Variants in SLC4A4 observed in about 807,000 individuals in gnomAD.
The protein encoded by SLC4A4 is solute carrier family 4 member 4.
Under a neutral mutation model 111.5 loss-of-function variants are expected in SLC4A4, and 27 were observed. The ratio of observed to expected loss-of-function variants is 0.24; its 90% confidence interval spans 0.18 to 0.33. The LOEUF is 0.33. Among genes scored for constraint, SLC4A4 ranks in the 10% least tolerant of loss-of-function variants. The pLI is 1.00. For missense variants in SLC4A4, 909 were observed against 1,315.5 expected, an observed-to-expected ratio of 0.69 and a Z score of 4.78; for synonymous variants, 443 against 463.4, an observed-to-expected ratio of 0.96 and a Z score of 0.57.
intron 1 of SLC4A4, among the ~76,000 whole-genome samples, chr4:71,218,338 A>G (rs912675887): frequency 6.6e-6 from 1 of 152,216 alleles, no homozygotes; most frequent in African/African-American, 2.4e-5. Context: ...GTGATTATCT[A>G]TTAGAGGTAA....
chr4:71,309,913 T>C (rs954710898), intron 3 of SLC4A4, among the ~76,000 whole-genome samples: 1 of 151,830 alleles, frequency 6.6e-6, no homozygotes, highest in Non-Finnish European at 1.5e-5. Flanking sequence ...TCTAACCCAA[T>C]GCAAGGACTC....
chr4:71,222,553 A>G (rs995113705), intron 1 of SLC4A4, among the ~76,000 whole-genome samples: 4 of 152,228 alleles, frequency 2.6e-5, no homozygotes, highest in African/African-American at 4.8e-5. Flanking sequence ...ATGCCTAGTC[A>G]TAGCAGACAC....
At chr4:71,139,048 AAAAAAAAAAAAG>A (rs1432298571) in intron 2 of SLC4A4, among the ~76,000 whole-genome samples, 1 of 151,576 alleles carries the variant, frequency 6.6e-6, no homozygotes, top group Non-Finnish European at 1.5e-5. Flanking sequence ...AAAAAAAAAA[AAAAAAAAAAAAG>A]AATCAGTGAG....
At chr4:71,410,765 G>A (rs1299664236) in intron 7 of SLC4A4, among the ~76,000 whole-genome samples, 1 of 151,866 alleles carries the variant, frequency 6.6e-6, no homozygotes, top group Admixed American at 6.6e-5. Flanking sequence ...TTTTTGTTTT[G>A]GAATAAATCT....
At chr4:71,352,294 A>G (rs996362942) in intron 5 of SLC4A4, among the ~76,000 whole-genome samples, 2 of 152,206 alleles carry the variant, frequency 1.3e-5, no homozygotes, top group Admixed American at 1.3e-4. Flanking sequence ...ACTGGAGAAG[A>G]AAATCATGAC....
At chr4:71,144,914 C>A (rs1478245617) in intron 2 of SLC4A4, among the ~76,000 whole-genome samples, 1 of 152,122 alleles carries the variant, frequency 6.6e-6, no homozygotes, top group Non-Finnish European at 1.5e-5. Flanking sequence ...TTGACTTCCT[C>A]TTTTCCTAAT....
chr4:71,359,145 G>T (rs1730539544), intron 6 of SLC4A4, among the ~76,000 whole-genome samples: 1 of 152,182 alleles, frequency 6.6e-6, no homozygotes, highest in South Asian at 2.1e-4. Flanking sequence ...AAAGTATTTG[G>T]ATATGGAATA....
At chr4:71,288,140 T>C (rs1053346447) in intron 3 of SLC4A4, among the ~76,000 whole-genome samples, 2 of 152,178 alleles carry the variant, frequency 1.3e-5, no homozygotes, top group African/African-American at 4.8e-5. Flanking sequence ...TTGTTTCTGG[T>C]AGTCTAGGGG....
At chr4:71,167,582 G>C (rs994200624) in intron 2 of SLC4A4, among the ~76,000 whole-genome samples, 2 of 152,154 alleles carry the variant, frequency 1.3e-5, no homozygotes, top group African/African-American at 4.8e-5. Flanking sequence ...ACAATCAGGA[G>C]AATGTAAGTG....
chr4:71,374,905 T>G (rs1047287238), intron 6 of SLC4A4, among the ~76,000 whole-genome samples: 3 of 152,226 alleles, frequency 2.0e-5, no homozygotes, highest in Non-Finnish European at 4.4e-5. Flanking sequence ...CAAAGCTGTC[T>G]GTTTTCCAAA....
At chr4:71,501,153 G>A (rs1409540306) in intron 16 of SLC4A4, among the ~76,000 whole-genome samples, 1 of 151,834 alleles carries the variant, frequency 6.6e-6, no homozygotes, top group Non-Finnish European at 1.5e-5. Flanking sequence ...TATAATTTTT[G>A]AAGTATAGCA....
chr4:71,398,685 A>G (rs1720072534), intron 7 of SLC4A4, among the ~76,000 whole-genome samples: 1 of 152,220 alleles, frequency 6.6e-6, no homozygotes, highest in Non-Finnish European at 1.5e-5. Context: ...GGAAAGAAGA[A>G]GGAACATGAA....
At chr4:71,209,533 T>A (rs1278882925) in intron 1 of SLC4A4, among the ~76,000 whole-genome samples, 1 of 152,194 alleles carries the variant, frequency 6.6e-6, no homozygotes, top group Non-Finnish European at 1.5e-5. Flanking sequence ...AAAATATGAG[T>A]ACCAGTAGCT....
intron 14 of SLC4A4, among the ~76,000 whole-genome samples, chr4:71,479,416 A>T (rs1029895746): frequency 2.6e-5 from 4 of 151,786 alleles, no homozygotes; most frequent in African/African-American, 9.6e-5. Context: ...TAATTTTTCT[A>T]ATATATTAAT....
chr4:71,440,291 A>G (rs1292104684), intron 7 of SLC4A4, among the ~76,000 whole-genome samples: 1 of 152,134 alleles, frequency 6.6e-6, no homozygotes, highest in Non-Finnish European at 1.5e-5. Context: ...CCTGGCTTAT[A>G]GTAGATTTTC....
chr4:71,084,701 A>G (rs1163283664), intron 1 of SLC4A4, among the ~76,000 whole-genome samples: 2 of 152,050 alleles, frequency 1.3e-5, no homozygotes, highest in African/African-American at 4.8e-5. Context: ...GATGGTTTCC[A>G]GCTTCATCCA....
At chr4:71,271,812 G>A (rs188314347) in intron 3 of SLC4A4, among the ~76,000 whole-genome samples, 2 of 152,312 alleles carry the variant, frequency 1.3e-5, no homozygotes, top group Non-Finnish European at 2.9e-5. Flanking sequence ...TGCCTATTAT[G>A]TGTCTGGCAC....
Position 71,560,322 on chromosome 4 carries a change from A to G in SLC4A4, c.3099+68A>G. 11 of 1,514,876 alleles carry G rather than the reference A, an allele frequency of 7.3e-6. No individual in the cohort carries two copies. In the South Asian group the frequency reaches 1.3e-4, roughly 18 times the overall value. 93.8% of individuals were successfully genotyped at this position (1,514,876 alleles called of 1,614,324 possible). On this transcript the variant is annotated intron_variant, in intron 23 of 25. Coordinates refer to ENST00000264485, the MANE Select transcript of SLC4A4 (RefSeq NM_001098484.3). ...ACAAATGTGAAAATTGTCCCTTTTT[A>G]TACCTGATGTGAAATGGAGGGCTGA...
rs58765854 is a variant in SLC4A4, at chr4:71,406,645, CTTTT to C, written c.807+9005_807+9008del. Among the ~76,000 whole-genome samples the C allele has an allele frequency of 8.6e-5, 12 of 140,258 alleles. No homozygotes were observed. The South Asian group carries it at 1.6e-3, about 19-fold the overall frequency. 92.0% of individuals were successfully genotyped at this position (140,258 alleles called of 152,430 possible). On this transcript the variant is annotated intron_variant, in intron 7 of 25. Coordinates refer to ENST00000264485, the MANE Select transcript of SLC4A4 (RefSeq NM_001098484.3). Reference sequence around the variant, plus strand: ...CTGAACTGAAATGAAAACAATGATTCTTTTTTTTTTTTTTTTGCCACCATGTTAA... The same window carrying C: ...CTGAACTGAAATGAAAACAATGATTCTTTTTTTTTTTTGCCACCATGTTAA...
Sources: gnomAD v4.1 joint callset for allele counts (sites outside exome capture counted in the v4.1 genomes callset) on GRCh38, gnomAD v4.1.1 for gene constraint, MANE v1.5 for transcripts, NCBI Gene and HGNC (gene_info 2026-07-23, HGNC 2026-07-21) for gene names.